The following CPNE8 variants were observed in gnomAD, a reference collection of about 807,000 sequenced individuals.
CPNE8 encodes copine 8, also known as copine-8.
CPNE8 carries 45 observed loss-of-function variants against 81.5 expected under a neutral mutation model. The observed-to-expected ratio is 0.55, with a 90% confidence interval of 0.44 to 0.71. The LOEUF (loss-of-function observed/expected upper bound fraction) is 0.71. Among genes scored for constraint, CPNE8 ranks in the 30% least tolerant of loss-of-function variants. The pLI, the probability that CPNE8 is intolerant of heterozygous loss-of-function variation, is 0.00. For synonymous variants in CPNE8, 252 were observed against 226.3 expected (o/e 1.11, Z -1.02); for missense variants, 594 against 672.1 (o/e 0.88, Z 1.28).
At chr12:38,791,539 T>C (rs1942324004) in intron 6 of CPNE8, among the ~76,000 whole-genome samples, 1 of 151,682 alleles carries the variant, frequency 6.6e-6, no homozygotes, top group Admixed American at 6.6e-5. Flanking sequence ...TCTAACATTC[T>C]ACTAGTTTAT....
At chr12:38,661,738 T>C (rs1156629420) in intron 19 of CPNE8, among the ~76,000 whole-genome samples, 2 of 152,062 alleles carry the variant, frequency 1.3e-5, no homozygotes, top group African/African-American at 2.4e-5. Context: ...CTGATGAACA[T>C]AGATGCAAAC....
intron 8 of CPNE8, among the ~76,000 whole-genome samples, chr12:38,764,239 AAATC>A (rs1187560469): frequency 1.3e-5 from 2 of 152,168 alleles, no homozygotes; most frequent in African/African-American, 4.8e-5. Context: ...CAGAAGAAGA[AAATC>A]AAAGTGGATA....
intron 3 of CPNE8, among the ~76,000 whole-genome samples, chr12:38,851,084 C>A (rs7974247): frequency 6.6e-6 from 1 of 152,196 alleles, no homozygotes. Flanking sequence ...CAGATGCCAG[C>A]GCCTTGATCT....
At chr12:38,662,641 C>T (rs932064467) in intron 19 of CPNE8, among the ~76,000 whole-genome samples, 3 of 151,930 alleles carry the variant, frequency 2.0e-5, no homozygotes, top group Non-Finnish European at 4.4e-5. Context: ...AAACACAATC[C>T]TAAAATTTGT....
At chr12:38,780,170 T>C (rs919514517) in intron 6 of CPNE8, among the ~76,000 whole-genome samples, 1 of 152,138 alleles carries the variant, frequency 6.6e-6, no homozygotes, top group Admixed American at 6.5e-5. Context: ...AAAGGGACTA[T>C]CTGCTCCCCA....
At chr12:38,735,634 G>C (rs1224339659) in intron 10 of CPNE8, among the ~76,000 whole-genome samples, 1 of 152,020 alleles carries the variant, frequency 6.6e-6, no homozygotes, top group African/African-American at 2.4e-5. Context: ...ACAGAAAGTA[G>C]TTAAAACATC....
intron 1 of CPNE8, among the ~76,000 whole-genome samples, chr12:38,892,475 AAGG>A (rs1270488013): frequency 6.6e-6 from 1 of 152,218 alleles, no homozygotes; most frequent in Non-Finnish European, 1.5e-5. Flanking sequence ...CAGAAATGGA[AAGG>A]AGGTGACCGA....
intron 11 of CPNE8, 92 bp from the exon 12 acceptor site, chr12:38,724,991 C>A: frequency 1.8e-6 from 2 of 1,106,640 alleles, no homozygotes; most frequent in South Asian, 1.4e-5. Context: ...AACCTGCTGC[C>A]TTCCCTTCTT....
At chr12:38,744,965 T>C (rs891006650) in intron 10 of CPNE8, among the ~76,000 whole-genome samples, 2 of 152,218 alleles carry the variant, frequency 1.3e-5, no homozygotes, top group East Asian at 3.9e-4. Context: ...CACTTCTGTA[T>C]CTGATTCCAA....
At chr12:38,666,434 G>T (rs560359528) in intron 19 of CPNE8, among the ~76,000 whole-genome samples, 1 of 151,990 alleles carries the variant, frequency 6.6e-6, no homozygotes, top group African/African-American at 2.4e-5. Flanking sequence ...AACAATGACC[G>T]GTATTTTTAG....
chr12:38,659,011 C>T (rs1218911204), intron 19 of CPNE8, among the ~76,000 whole-genome samples: 5 of 152,098 alleles, frequency 3.3e-5, no homozygotes, highest in African/African-American at 1.2e-4. Context: ...AAATAACCAG[C>T]TAACATAATA....
At chr12:38,844,522 A>G (rs546076488) in intron 4 of CPNE8, among the ~76,000 whole-genome samples, 1 of 152,212 alleles carries the variant, frequency 6.6e-6, no homozygotes, top group Non-Finnish European at 1.5e-5. Context: ...ATGAGTAAGC[A>G]CATACCAGAT....
intron 6 of CPNE8, among the ~76,000 whole-genome samples, chr12:38,787,593 A>T (rs1942224376): frequency 6.6e-6 from 1 of 151,902 alleles, no homozygotes; most frequent in Non-Finnish European, 1.5e-5. Flanking sequence ...GGTAAGAAAT[A>T]ATAAAGATCA....
Position 38,803,694 on chromosome 12 carries a change from A to G in CPNE8, c.407+25685T>C, listed in dbSNP as rs571213592. On this transcript the variant is annotated intron_variant, in intron 6 of 19. Transcript: ENST00000331366. Reference sequence around the variant, plus strand: ...AGGAGAAGGAAATAAAGGGTATTCAATTAGGAAAAAAAGGAAGTCAAATTG... The same window carrying G: ...AGGAGAAGGAAATAAAGGGTATTCAGTTAGGAAAAAAAGGAAGTCAAATTG... Among the ~76,000 whole-genome samples the G allele has an allele frequency of 7.2e-4, 109 of 150,816 alleles. 1 individual carries two copies. In the East Asian group the frequency reaches 0.014, roughly 19 times the overall value.
intron 6 of CPNE8, among the ~76,000 whole-genome samples, chr12:38,789,942 A>C (rs975420798): frequency 1.3e-5 from 2 of 151,764 alleles, no homozygotes. Context: ...ATGACGGGCA[A>C]CACAAATGCT....
intron 10 of CPNE8, among the ~76,000 whole-genome samples, chr12:38,749,361 C>A (rs140520707): frequency 6.6e-6 from 1 of 150,700 alleles, no homozygotes; most frequent in Non-Finnish European, 1.5e-5. Flanking sequence ...TGAAAACAGG[C>A]TAATACACTA....
intron 3 of CPNE8, 68 bp from the exon 4 acceptor site, chr12:38,848,730 A>G: frequency 6.9e-7 from 1 of 1,447,320 alleles, no homozygotes; most frequent in Admixed American, 3.3e-5. Context: ...ATAGTACTTA[A>G]TATCACACAG....
intron 10 of CPNE8, among the ~76,000 whole-genome samples, chr12:38,752,383 T>C (rs1941368263): frequency 6.6e-6 from 1 of 152,188 alleles, no homozygotes; most frequent in South Asian, 2.1e-4. Context: ...CACTGATAAT[T>C]AGTCACTGCT....
intron 1 of CPNE8, among the ~76,000 whole-genome samples, chr12:38,895,599 CA>C (rs375097581): frequency 7.9e-5 from 12 of 151,922 alleles, no homozygotes; most frequent in African/African-American, 2.7e-4. Flanking sequence ...AAGTTTATGC[CA>C]CTCCTATGAA....
Sources: gnomAD v4.1 joint callset for allele counts (sites outside exome capture counted in the v4.1 genomes callset) on GRCh38, gnomAD v4.1.1 for gene constraint, MANE v1.5 for transcripts, NCBI Gene and HGNC (gene_info 2026-07-23, HGNC 2026-07-21) for gene names.